The following SLIT2 variants were observed in gnomAD, a reference collection of about 807,000 sequenced individuals.
SLIT2 encodes slit homolog 2 protein.
SLIT2 carries 41 observed loss-of-function variants against 185.7 expected under a neutral mutation model. That is an observed-to-expected ratio of 0.22 (90% confidence interval 0.17 to 0.29). The LOEUF (loss-of-function observed/expected upper bound fraction) is 0.29. Among genes scored for constraint, SLIT2 ranks in the 10% least tolerant of loss-of-function variants. SLIT2 has a pLI of 1.00. For synonymous variants in SLIT2, 693 were observed against 680.2 expected (o/e 1.02, Z -0.29); for missense variants, 1,571 against 1,909.0 (o/e 0.82, Z 3.30).
intron 5 of SLIT2, among the ~76,000 whole-genome samples, chr4:20,472,283 T>TCG (rs1417110246): frequency 4.5e-5 from 1 of 22,268 alleles, no homozygotes; most frequent in African/African-American, 2.8e-4. Context: ...TATCTATATA[T>TCG]ATAGATATAT....
rs1560190622 is a variant in SLIT2, at chr4:20,553,960, C to A, written c.2717C>A (p.Thr906Asn). ...CTCACAACTCCCTCCAAAAAATTTA[C>A]CTGTCAAGGTATGGTTTTTAATCAT... ...LLLTTPSKKFTCQGPVDVNIL... is the reference protein window; with the variant it reads ...LLLTTPSKKFNCQGPVDVNIL... Residue 906 changes from threonine to asparagine, a missense_variant, in exon 26 of 37, where the codon ACC (threonine) becomes AAC (asparagine). Physicochemically the swap from Thr to Asn is moderately conservative, Grantham distance 65 (BLOSUM62 0). Transcript: ENST00000504154. 1.3e-6 allele frequency: 2 copies of A among 1,596,160 alleles called. No individual in the cohort carries two copies. The highest frequency in any genetic ancestry group is 1.8e-5 in the Admixed American group (1 of 55,116).
intron 4 of SLIT2, among the ~76,000 whole-genome samples, chr4:20,415,052 A>G (rs1037105312): frequency 1.3e-5 from 2 of 152,340 alleles, no homozygotes; most frequent in African/African-American, 4.8e-5. Flanking sequence ...AGATTAATGA[A>G]TTTTGACTGA....
chr4:20,339,729 C>G (rs931828386), intron 4 of SLIT2, among the ~76,000 whole-genome samples: 9 of 152,066 alleles, frequency 5.9e-5, no homozygotes, highest in African/African-American at 2.2e-4. Flanking sequence ...ATGTTGTGAT[C>G]ATGAAATGGC....
intron 4 of SLIT2, among the ~76,000 whole-genome samples, chr4:20,333,307 G>A (rs1428816165): frequency 6.6e-6 from 1 of 152,110 alleles, no homozygotes; most frequent in East Asian, 1.9e-4. Flanking sequence ...TCAACACACT[G>A]TATTTTTAAA....
At chr4:20,477,492 C>T (rs1381877135) in intron 5 of SLIT2, among the ~76,000 whole-genome samples, 2 of 152,152 alleles carry the variant, frequency 1.3e-5, no homozygotes, top group Non-Finnish European at 2.9e-5. Context: ...AGCCACCACG[C>T]CTAGCCGAGG....
intron 5 of SLIT2, among the ~76,000 whole-genome samples, chr4:20,472,304 ATC>A (rs1715237146): frequency 1.1e-4 from 1 of 8,722 alleles, no homozygotes; most frequent in African/African-American, 1.0e-3. Context: ...AGATATATAG[ATC>A]TATATATAGA....
At chr4:20,380,228 C>G (rs1344880504) in intron 4 of SLIT2, among the ~76,000 whole-genome samples, 1 of 152,150 alleles carries the variant, frequency 6.6e-6, no homozygotes, top group East Asian at 1.9e-4. Context: ...ATCAAATGCT[C>G]TTCTGGACTT....
chr4:20,334,077 CTA>C (rs1310792221), intron 4 of SLIT2, among the ~76,000 whole-genome samples: 2 of 152,084 alleles, frequency 1.3e-5, no homozygotes, highest in African/African-American at 4.8e-5. Flanking sequence ...TGTATTTTCC[CTA>C]TGTCTCTACT....
chr4:20,525,455 G>A (rs1721205298), intron 15 of SLIT2, among the ~76,000 whole-genome samples: 1 of 151,980 alleles, frequency 6.6e-6, no homozygotes, highest in Admixed American at 6.6e-5. Context: ...TGAAGCTATG[G>A]CTTTCTACTT....
intron 5 of SLIT2, among the ~76,000 whole-genome samples, chr4:20,474,167 T>G (rs1181482681): frequency 6.6e-6 from 1 of 152,032 alleles, no homozygotes; most frequent in African/African-American, 2.4e-5. Context: ...AGATAGATAG[T>G]AAATGAAGGT....
At chr4:20,263,805 TAAA>T (rs1712745573) in intron 3 of SLIT2, among the ~76,000 whole-genome samples, 1 of 152,030 alleles carries the variant, frequency 6.6e-6, no homozygotes, top group Non-Finnish European at 1.5e-5. Flanking sequence ...ACACAGCACT[TAAA>T]TAACTATTAT....
intron 4 of SLIT2, among the ~76,000 whole-genome samples, chr4:20,293,232 A>G (rs1036704321): frequency 6.6e-6 from 1 of 152,222 alleles, no homozygotes; most frequent in Admixed American, 6.5e-5. Flanking sequence ...TTCAGACTTT[A>G]TTTGATAGGC....
intron 26 of SLIT2, among the ~76,000 whole-genome samples, chr4:20,557,666 A>G (rs1381836066): frequency 1.3e-5 from 2 of 152,074 alleles, no homozygotes; most frequent in Non-Finnish European, 2.9e-5. Context: ...TAAAGGAATA[A>G]TTTTGATTTT....
chr4:20,341,724 A>G (rs552526772), intron 4 of SLIT2, among the ~76,000 whole-genome samples: 34 of 152,330 alleles, frequency 2.2e-4, no homozygotes, highest in African/African-American at 7.9e-4. Flanking sequence ...CATTATTGAC[A>G]GATACAAGTT....
chr4:20,419,667 CTG>C (rs55679047), intron 4 of SLIT2, among the ~76,000 whole-genome samples: 18,427 of 137,910 alleles, frequency 0.13, 1,139 homozygotes, highest in Admixed American at 0.16. Context: ...AAGTTTTAAG[CTG>C]TGTGTGTGTG....
rs1577491404 is a variant in SLIT2 at position 20,356,124 on chromosome 4, A to C, written c.395+87243A>C. On this transcript the variant is annotated intron_variant, in intron 4 of 36. Coordinates refer to ENST00000504154, the MANE Select transcript of SLIT2 (RefSeq NM_004787.4). ...GACATTTTATTTTGGGATGCCATTC[A>C]GTAACTTGAAGTTATTAAATGAAGC... Among the ~76,000 whole-genome samples, 3 of 152,184 alleles carry C rather than the reference A, an allele frequency of 2.0e-5. No individual in the cohort carries two copies. In the South Asian group the frequency reaches 6.2e-4, roughly 32 times the overall value.
intron 4 of SLIT2, among the ~76,000 whole-genome samples, chr4:20,291,973 C>T (rs879666286): frequency 4.0e-5 from 6 of 149,970 alleles, no homozygotes; most frequent in African/African-American, 4.9e-5. Context: ...ATCAGGTGTT[C>T]CTGCGTATGT....
chr4:20,342,819 G>A (rs1389989101), intron 4 of SLIT2, among the ~76,000 whole-genome samples: 2 of 148,922 alleles, frequency 1.3e-5, no homozygotes, highest in South Asian at 2.1e-4. Context: ...ACTAGCTGTG[G>A]ATAGTGGTAC....
chr4:20,433,393 T>C (rs1413668530), intron 4 of SLIT2, among the ~76,000 whole-genome samples: 1 of 152,206 alleles, frequency 6.6e-6, no homozygotes, highest in Non-Finnish European at 1.5e-5. Context: ...GACATAATGA[T>C]TAACTTAAAT....
Sources: allele counts gnomAD v4.1 joint callset (sites outside exome capture counted in the v4.1 genomes callset), GRCh38; gene constraint gnomAD v4.1.1; transcripts MANE v1.5; gene names NCBI Gene and HGNC (gene_info 2026-07-23, HGNC 2026-07-21).